Variants in SV2C observed in about 807,000 individuals in gnomAD.
SV2C encodes the protein solute carrier family 22 member B3.
In SV2C, 49 loss-of-function variants were observed where a neutral mutation model predicts 79.7. The observed-to-expected ratio is 0.61, with a 90% confidence interval of 0.49 to 0.78. SV2C has a LOEUF of 0.78. Ranked by LOEUF, SV2C falls within the 30% of genes least tolerant of loss-of-function variation. The pLI, the probability that SV2C is intolerant of heterozygous loss-of-function variation, is 0.00. For synonymous variants in SV2C, 334 were observed against 333.2 expected, an observed-to-expected ratio of 1.00 and a Z score of -0.03; for missense variants, 833 against 912.9, an observed-to-expected ratio of 0.91 and a Z score of 1.13.
intron 4 of SV2C, 51 bp downstream of exon 4, chr5:76,209,938 G>A (rs186312633): frequency 1.9e-6 from 3 of 1,551,726 alleles, no homozygotes; most frequent in East Asian, 4.7e-5. Flanking sequence ...TTTGCTTCAG[G>A]CTCCATTCCC....
the SV2C span, among the ~76,000 whole-genome samples, chr5:75,858,205 G>A: frequency 7.2e-4 from 109 of 152,210 alleles, no homozygotes; most frequent in Middle Eastern, 6.8e-3. Context: ...AAAAGCTTTC[G>A]GTTTCTCCCA....
chr5:76,156,561 A>G (rs571068535), intron 2 of SV2C, among the ~76,000 whole-genome samples: 1 of 152,182 alleles, frequency 6.6e-6, no homozygotes, highest in African/African-American at 2.4e-5. Flanking sequence ...GGCAATAGAT[A>G]CTGGCTGTGA....
At chr5:75,938,933 T>C in the SV2C span, among the ~76,000 whole-genome samples, 1 of 151,980 alleles carries the variant, frequency 6.6e-6, no homozygotes, top group Non-Finnish European at 1.5e-5. Context: ...TTGGGGGTGG[T>C]AAAGGGTGGA....
the SV2C span, among the ~76,000 whole-genome samples, chr5:75,894,071 C>T: frequency 7.2e-5 from 11 of 151,886 alleles, no homozygotes; most frequent in Non-Finnish European, 1.5e-4. Flanking sequence ...GGTTTTTAAG[C>T]GAGGGAGGAC....
At chr5:75,970,582 G>T in the SV2C span, among the ~76,000 whole-genome samples, 1 of 152,064 alleles carries the variant, frequency 6.6e-6, no homozygotes, top group African/African-American at 2.4e-5. Flanking sequence ...AGAAGAAATG[G>T]ATAAATTCCT....
the SV2C span, among the ~76,000 whole-genome samples, chr5:75,984,598 C>CCTAT: frequency 0.13 from 10,343 of 80,276 alleles, 411 homozygotes; most frequent in Middle Eastern, 0.27. Context: ...TATCTATCTA[C>CCTAT]CTATCTATCT....
At chr5:75,857,932 T>G in the SV2C span, among the ~76,000 whole-genome samples, 2,421 of 152,340 alleles carry the variant, frequency 0.016, 62 homozygotes, top group African/African-American at 0.052. Flanking sequence ...AGAGAAATGC[T>G]ACTCATTTTT....
the SV2C span, among the ~76,000 whole-genome samples, chr5:75,959,337 TCTTC>T: frequency 6.6e-6 from 1 of 152,006 alleles, no homozygotes; most frequent in Non-Finnish European, 1.5e-5. Context: ...ATTCAGTGTT[TCTTC>T]TAAGAACATT....
intron 2 of SV2C, chr5:76,174,252 G>A (rs759509904): frequency 1.7e-5 from 26 of 1,513,796 alleles, no homozygotes; most frequent in Middle Eastern, 3.5e-4. Context: ...TGCAGCCAGC[G>A]TCGCCCCGTG....
the SV2C span, among the ~76,000 whole-genome samples, chr5:76,015,091 G>A: frequency 4.6e-5 from 7 of 152,250 alleles, no homozygotes; most frequent in Middle Eastern, 3.4e-3. Context: ...AGGCTGTGTA[G>A]AGAAATGATA....
rs1749111303 is a variant in SV2C, at chr5:76,329,529, A to AG, written c.*3986dup. 6.6e-6 allele frequency: 1 copy of AG among 152,208 alleles called. No individual in the cohort carries two copies. The highest frequency in any genetic ancestry group is 6.5e-5 in the Admixed American group (1 of 15,280). 9.4% of individuals were successfully genotyped at this position (152,208 alleles called of 1,614,324 possible). On this transcript the variant is annotated 3_prime_UTR_variant, in exon 13 of 13. Coordinates refer to ENST00000502798, the MANE Select transcript of SV2C (RefSeq NM_014979.4). The stretch of plus-strand genomic sequence containing the variant: ...CTTTCAAGATACCTTAAGAGATCAA[A>AG]GGGGAGGTGGGAAAAGAAATGTAGT...
the SV2C span, among the ~76,000 whole-genome samples, chr5:76,016,100 ATCT>A: frequency 6.6e-6 from 1 of 151,918 alleles, no homozygotes; most frequent in South Asian, 2.1e-4. Flanking sequence ...GTCTCTCTCC[ATCT>A]TTCATCTCTG....
chr5:76,320,964 G>A (rs1203196710), intron 12 of SV2C, among the ~76,000 whole-genome samples: 4 of 152,144 alleles, frequency 2.6e-5, no homozygotes, highest in Non-Finnish European at 4.4e-5. Context: ...AAGAAAATCC[G>A]TGCTTACTGC....
intron 2 of SV2C, among the ~76,000 whole-genome samples, chr5:76,142,562 T>C (rs1319704937): frequency 6.6e-6 from 1 of 152,216 alleles, no homozygotes; most frequent in African/African-American, 2.4e-5. Flanking sequence ...AGTCCCTTGC[T>C]TAGCCATCTG....
chr5:76,174,312 C>T (rs533303494), intron 2 of SV2C: 41 of 856,996 alleles, frequency 4.8e-5, no homozygotes, highest in Admixed American at 7.4e-5. Context: ...GCCGCTGCCG[C>T]GCCGCTCCGG....
intron 5 of SV2C, 115 bp from the exon 6 acceptor site, chr5:76,285,666 G>C: frequency 1.2e-6 from 1 of 803,602 alleles, no homozygotes; most frequent in Non-Finnish European, 2.1e-6. Flanking sequence ...GATGTACTGA[G>C]ATACATTTGC....
At chr5:75,999,843 A>T in the SV2C span, among the ~76,000 whole-genome samples, 1 of 152,106 alleles carries the variant, frequency 6.6e-6, no homozygotes, top group African/African-American at 2.4e-5. Flanking sequence ...ATGGTGCCTT[A>T]TTGTTGAATC....
intron 3 of SV2C, among the ~76,000 whole-genome samples, chr5:76,198,408 G>A (rs2112334149): frequency 6.6e-6 from 1 of 152,164 alleles, no homozygotes; most frequent in Admixed American, 6.5e-5. Context: ...CTCTCTCACT[G>A]TGTGTTCTCT....
the SV2C span, among the ~76,000 whole-genome samples, chr5:76,008,776 T>C: frequency 3.3e-5 from 5 of 152,264 alleles, no homozygotes; most frequent in Admixed American, 2.6e-4. Context: ...TTATCCAATC[T>C]AAACCCTGCA....
Sources: allele counts gnomAD v4.1 joint callset (sites outside exome capture counted in the v4.1 genomes callset), GRCh38; gene constraint gnomAD v4.1.1; transcripts MANE v1.5; gene names NCBI Gene and HGNC (gene_info 2026-07-23, HGNC 2026-07-21).